The following FLRT2 variants were observed in gnomAD, a reference collection of about 807,000 sequenced individuals.
FLRT2 encodes the protein fibronectin leucine rich transmembrane protein 2.
A neutral mutation model predicts 40.0 loss-of-function variants in FLRT2; 15 were observed. That is an observed-to-expected ratio of 0.38 (90% CI 0.25 to 0.58). The LOEUF (loss-of-function observed/expected upper bound fraction) is 0.58. FLRT2 is among the 20% of genes least tolerant of loss of function. The pLI is 0.71. For synonymous variants in FLRT2, 380 were observed against 336.8 expected, an observed-to-expected ratio of 1.13 and a Z score of -1.41; for missense variants, 726 against 840.0, an observed-to-expected ratio of 0.86 and a Z score of 1.68.
intron 1 of FLRT2, among the ~76,000 whole-genome samples, chr14:85,538,555 A>G (rs1399447522): frequency 6.7e-6 from 1 of 149,876 alleles, no homozygotes; most frequent in African/African-American, 2.5e-5. Context: ...ATACTGTTAT[A>G]TTTCAGTTCT....
Position 85,625,781 on chromosome 14 carries a change from G to A in FLRT2, c.*2284G>A, listed in dbSNP as rs1249720642. 1.8e-5 allele frequency: 3 copies of A among 166,744 alleles called. No homozygotes were observed. Among genetic ancestry groups the A allele is most frequent in the Non-Finnish European group, 4.4e-5 (3 of 68,044 alleles). 10.3% of individuals were successfully genotyped at this position (166,744 alleles called of 1,614,324 possible). ...CCCTTGGCTGTGTAGATAAAATTGT[G>A]CATTCAAATGATGGTACTTTGACTT... On this transcript the variant is annotated 3_prime_UTR_variant, in exon 2 of 2. Transcript: ENST00000330753.
At chr14:85,584,753 C>T (rs913482877) in intron 1 of FLRT2, among the ~76,000 whole-genome samples, 5 of 152,096 alleles carry the variant, frequency 3.3e-5, no homozygotes, top group Admixed American at 6.5e-5. Context: ...CTTGCAGAGG[C>T]GGTGTGCATG....
At chr14:85,551,694 A>G (rs1889631162) in intron 1 of FLRT2, 1 of 152,166 alleles carries the variant, frequency 6.6e-6, no homozygotes, top group Admixed American at 6.5e-5. Flanking sequence ...TGTATTTTAG[A>G]TTTTAATGGA....
chr14:85,583,225 A>G (rs1428550813), intron 1 of FLRT2, among the ~76,000 whole-genome samples: 1 of 152,204 alleles, frequency 6.6e-6, no homozygotes, highest in Non-Finnish European at 1.5e-5. Flanking sequence ...AGGGAGATTT[A>G]TTTATTTATA....
At chr14:85,606,610 C>T (rs149747335) in intron 1 of FLRT2, among the ~76,000 whole-genome samples, 2 of 149,226 alleles carry the variant, frequency 1.3e-5, no homozygotes, top group Non-Finnish European at 3.0e-5. Flanking sequence ...CAGCAGCCTC[C>T]GACTCCCTAG....
chr14:85,592,789 CAAAAAAAAAA>C (rs34002874), intron 1 of FLRT2, among the ~76,000 whole-genome samples: 1 of 90,718 alleles, frequency 1.1e-5, no homozygotes, highest in African/African-American at 4.7e-5. Flanking sequence ...AACTCCGTCT[CAAAAAAAAAA>C]AAAAAAAAGA....
chr14:85,587,939 GT>G (rs72102578), intron 1 of FLRT2, among the ~76,000 whole-genome samples: 15 of 148,394 alleles, frequency 1.0e-4, no homozygotes, highest in South Asian at 6.4e-4. Flanking sequence ...TTTTTTGTTT[GT>G]TTTTTTTTTG....
intron 1 of FLRT2, among the ~76,000 whole-genome samples, chr14:85,556,371 A>T (rs541899796): frequency 2.0e-5 from 3 of 152,260 alleles, no homozygotes; most frequent in African/African-American, 7.2e-5. Flanking sequence ...CCATACAAGT[A>T]GTGATGTGTT....
Position 85,623,639 on chromosome 14 carries a change from G to GGATTTAAA in FLRT2, c.*142_*143insGATTTAAA. 1.6e-6 allele frequency: 1 copy of GGATTTAAA among 611,832 alleles called. No homozygotes were observed. The highest frequency in any genetic ancestry group is 2.6e-6 in the Non-Finnish European group (1 of 382,776). 37.9% of individuals were successfully genotyped at this position (611,832 alleles called of 1,614,324 possible). ...ATTTGAATACTCTGTAATTTATACGGTGTACTATATAATGGGATTTAAAAA... is the reference window on the plus strand; with the variant it reads ...ATTTGAATACTCTGTAATTTATACGGGATTTAAATGTACTATATAATGGGATTTAAAAA... On this transcript the variant is annotated 3_prime_UTR_variant, in exon 2 of 2. Coordinates refer to ENST00000330753, the MANE Select transcript of FLRT2 (RefSeq NM_013231.6).
chr14:85,611,096 A>G (rs150608678), intron 1 of FLRT2, among the ~76,000 whole-genome samples: 1,885 of 152,222 alleles, frequency 0.012, 43 homozygotes, highest in African/African-American at 0.043. Flanking sequence ...GGGTTTCACC[A>G]TGTTGGCCAG....
intron 1 of FLRT2, among the ~76,000 whole-genome samples, chr14:85,575,640 C>A (rs1324402666): frequency 6.6e-6 from 1 of 151,994 alleles, no homozygotes. Flanking sequence ...CTTCCCTCAA[C>A]TGCACTTTTT....
At chr14:85,557,820 A>T (rs996077730) in intron 1 of FLRT2, among the ~76,000 whole-genome samples, 20 of 150,288 alleles carry the variant, frequency 1.3e-4, no homozygotes, top group South Asian at 4.3e-4. Flanking sequence ...CCATTTCAAT[A>T]AATAAATAAA....
chr14:85,587,970 C>A, intron 1 of FLRT2, among the ~76,000 whole-genome samples: 1 of 151,720 alleles, frequency 6.6e-6, no homozygotes, highest in African/African-American at 2.4e-5. Context: ...CTTGCTCTGT[C>A]TCCCAGGCTG....
At chr14:85,592,302 C>T (rs953776805) in intron 1 of FLRT2, among the ~76,000 whole-genome samples, 1 of 152,132 alleles carries the variant, frequency 6.6e-6, no homozygotes, top group Admixed American at 6.5e-5. Flanking sequence ...CCTGGTTCCT[C>T]TCCTTATCTG....
intron 1 of FLRT2, among the ~76,000 whole-genome samples, chr14:85,619,675 T>C (rs955340245): frequency 1.4e-4 from 21 of 152,182 alleles, no homozygotes; most frequent in Admixed American, 1.3e-3. Context: ...TGCTTTTAGA[T>C]GTAAGTTGTT....
rs909531352 is a variant in FLRT2, at chr14:85,600,347, G to A, written c.-376-20792G>A. ...ATTTCTGATCAGAATGTTCTAATTGGGTTAAAGATTTGGTATCCAGACTTC... is the reference window on the plus strand; with the variant it reads ...ATTTCTGATCAGAATGTTCTAATTGAGTTAAAGATTTGGTATCCAGACTTC... On this transcript the variant is annotated intron_variant, in intron 1 of 1. Transcript: ENST00000330753. Among the ~76,000 whole-genome samples, 5 of 152,124 alleles carry A rather than the reference G, an allele frequency of 3.3e-5. No homozygotes were observed. The South Asian group carries it at 8.3e-4, about 25-fold the overall frequency.
chr14:85,592,591 C>A (rs1441132784), intron 1 of FLRT2, among the ~76,000 whole-genome samples: 5 of 151,908 alleles, frequency 3.3e-5, no homozygotes, highest in Admixed American at 3.3e-4. Context: ...GAGTTTGAGA[C>A]CACCCTGGCC....
At chr14:85,554,020 T>A (rs1889801593) in intron 1 of FLRT2, among the ~76,000 whole-genome samples, 1 of 152,158 alleles carries the variant, frequency 6.6e-6, no homozygotes, top group African/African-American at 2.4e-5. Flanking sequence ...AAAAATCTCA[T>A]CAAAAATATG....
chr14:85,623,312 C>T lies in FLRT2; in HGVS notation c.1798C>T (p.Leu600=). 4.0e-6 allele frequency: 6 copies of T among 1,516,804 alleles called. No individual in the cohort carries two copies. The highest frequency in any genetic ancestry group is 5.3e-6 in the Non-Finnish European group (6 of 1,134,004). 94.0% of individuals were successfully genotyped at this position (1,516,804 alleles called of 1,614,324 possible). ...EAGTKKDNSI[L]EMTETSFQIV... The stretch of plus-strand genomic sequence containing the variant: ...AGGCACCAAGAAGGACAACTCCATC[C>T]TGGAGATGACAGAAACCAGTTTTCA... Residue 600 remains leucine (L), a synonymous_variant, in exon 2 of 2, where the codon CTG becomes TTG. Coordinates refer to ENST00000330753, the MANE Select transcript of FLRT2 (RefSeq NM_013231.6).
Sources: gnomAD v4.1 joint callset for allele counts (sites outside exome capture counted in the v4.1 genomes callset) on GRCh38, gnomAD v4.1.1 for gene constraint, MANE v1.5 for transcripts, NCBI Gene and HGNC (gene_info 2026-07-23, HGNC 2026-07-21) for gene names.